Variants in TNIK observed in about 807,000 individuals in gnomAD.
TNIK encodes TRAF2 and NCK-interacting protein kinase.
Under a neutral mutation model 191.3 loss-of-function variants are expected in TNIK, and 49 were observed. The ratio of observed to expected loss-of-function variants is 0.26; its 90% CI spans 0.20 to 0.32. TNIK has a LOEUF of 0.32. Among genes scored for constraint, TNIK ranks in the 10% least tolerant of loss-of-function variants. TNIK has a pLI of 1.00. For missense variants in TNIK, 1,155 were observed against 1,702.3 expected (o/e 0.68, Z 5.66); for synonymous variants, 594 against 600.9 (o/e 0.99, Z 0.17).
At chr3:171,365,543 A>G (rs1303517480) in intron 2 of TNIK, among the ~76,000 whole-genome samples, 2 of 152,140 alleles carry the variant, frequency 1.3e-5, no homozygotes, top group African/African-American at 4.8e-5. Context: ...CTCTAGAGGT[A>G]TGAAATGGGG....
chr3:171,453,319 G>T (rs1301895866), intron 1 of TNIK, among the ~76,000 whole-genome samples: 1 of 152,078 alleles, frequency 6.6e-6, no homozygotes, highest in East Asian at 1.9e-4. Flanking sequence ...TGAGTGGGAG[G>T]GACAACTTGA....
chr3:171,388,296 A>T (rs995235307), intron 1 of TNIK, among the ~76,000 whole-genome samples: 1 of 152,378 alleles, frequency 6.6e-6, no homozygotes, highest in African/African-American at 2.4e-5. Context: ...ATTTTTATAA[A>T]ACATAACAAC....
chr3:171,284,683 T>G (rs942563376), intron 2 of TNIK, among the ~76,000 whole-genome samples: 22 of 152,184 alleles, frequency 1.4e-4, no homozygotes, highest in Admixed American at 1.4e-3. Context: ...CCTTTTGCCT[T>G]TGTTGTTTCC....
chr3:171,300,866 C>T (rs910298582), intron 2 of TNIK, among the ~76,000 whole-genome samples: 1 of 151,982 alleles, frequency 6.6e-6, no homozygotes, highest in Non-Finnish European at 1.5e-5. Context: ...AGCTCCGTTT[C>T]CACTCTTTCC....
At chr3:171,351,269 A>ATGTGTGTGTG (rs140083535) in intron 2 of TNIK, among the ~76,000 whole-genome samples, 36,877 of 146,864 alleles carry the variant, frequency 0.25, 4,750 homozygotes, top group East Asian at 0.44. Flanking sequence ...ATATATGTAT[A>ATGTGTGTGTG]TATGTGTGTG....
chr3:171,341,702 A>AG (rs1757552405), intron 2 of TNIK, among the ~76,000 whole-genome samples: 1 of 152,168 alleles, frequency 6.6e-6, no homozygotes, highest in Non-Finnish European at 1.5e-5. Flanking sequence ...ACCCTGTATC[A>AG]GGCACTGGTC....
At chr3:171,170,574 A>G (rs1735140525) in intron 9 of TNIK, among the ~76,000 whole-genome samples, 1 of 152,190 alleles carries the variant, frequency 6.6e-6, no homozygotes, top group Non-Finnish European at 1.5e-5. Context: ...ACTTATCTCA[A>G]AAAAAGTTAT....
chr3:171,160,788 A>T (rs943209742), intron 11 of TNIK, among the ~76,000 whole-genome samples: 1 of 152,126 alleles, frequency 6.6e-6, no homozygotes, highest in Non-Finnish European at 1.5e-5. Flanking sequence ...ATATAATTTG[A>T]TTTTCTGAAA....
At chr3:171,321,638 G>A (rs530085412) in intron 2 of TNIK, among the ~76,000 whole-genome samples, 16 of 152,224 alleles carry the variant, frequency 1.1e-4, no homozygotes, top group Admixed American at 2.0e-4. Flanking sequence ...CTTTCACCTC[G>A]TGTAGGAGAC....
chr3:171,238,246 C>A (rs1744540081), intron 2 of TNIK, among the ~76,000 whole-genome samples: 2 of 150,910 alleles, frequency 1.3e-5, no homozygotes, highest in South Asian at 4.2e-4. Context: ...TCATAAAATT[C>A]AAAAAAATTG....
chr3:171,244,866 G>A (rs1745416183), intron 2 of TNIK, among the ~76,000 whole-genome samples: 1 of 150,926 alleles, frequency 6.6e-6, no homozygotes, highest in Non-Finnish European at 1.5e-5. Flanking sequence ...TTTTAATAAG[G>A]AGTATATCAT....
intron 28 of TNIK, among the ~76,000 whole-genome samples, chr3:171,079,109 A>G (rs73033794): frequency 0.015 from 2,293 of 152,064 alleles, 57 homozygotes; most frequent in African/African-American, 0.051. Context: ...ATTGATTTTG[A>G]TCATTTTCCT....
chr3:171,370,191 CAACTT>C (rs958856337), intron 1 of TNIK, among the ~76,000 whole-genome samples: 7 of 152,152 alleles, frequency 4.6e-5, no homozygotes, highest in Non-Finnish European at 7.3e-5. Flanking sequence ...AAAATAGAGT[CAACTT>C]AACTACCTCT....
At chr3:171,249,145 A>G (rs1745947611) in intron 2 of TNIK, among the ~76,000 whole-genome samples, 1 of 152,232 alleles carries the variant, frequency 6.6e-6, no homozygotes, top group African/African-American at 2.4e-5. Flanking sequence ...GTAACTAGCT[A>G]TTGAACATGG....
intron 1 of TNIK, among the ~76,000 whole-genome samples, chr3:171,408,047 T>C (rs1721937295): frequency 6.6e-6 from 1 of 152,136 alleles, no homozygotes; most frequent in Non-Finnish European, 1.5e-5. Flanking sequence ...ATAATGGGAA[T>C]CATAAGACAG....
chr3:171,206,862 C>A (rs1740160270), intron 4 of TNIK, among the ~76,000 whole-genome samples: 1 of 152,076 alleles, frequency 6.6e-6, no homozygotes, highest in Non-Finnish European at 1.5e-5. Flanking sequence ...ATAAACACCC[C>A]AATTACCCCA....
intron 11 of TNIK, among the ~76,000 whole-genome samples, chr3:171,158,149 T>G (rs1211677437): frequency 6.6e-6 from 1 of 152,184 alleles, no homozygotes; most frequent in Admixed American, 6.5e-5. Context: ...GCTGCTCCTG[T>G]GAAGCCACGA....
intron 12 of TNIK, among the ~76,000 whole-genome samples, chr3:171,147,509 T>C (rs187126835): frequency 6.6e-6 from 1 of 152,320 alleles, no homozygotes; most frequent in Admixed American, 6.5e-5. Context: ...GCATGATTCC[T>C]TGTGACTAAA....
At chr3:171,181,498 G>T (rs1326809224) in intron 7 of TNIK, among the ~76,000 whole-genome samples, 1 of 152,154 alleles carries the variant, frequency 6.6e-6, no homozygotes, top group Non-Finnish European at 1.5e-5. Flanking sequence ...AGCCACACTT[G>T]CCTATCCTGA....
Sources: gnomAD v4.1 joint callset for allele counts (sites outside exome capture counted in the v4.1 genomes callset) on GRCh38, gnomAD v4.1.1 for gene constraint, MANE v1.5 for transcripts, NCBI Gene and HGNC (gene_info 2026-07-23, HGNC 2026-07-21) for gene names.